The following ZMIZ1 variants were observed in gnomAD, a reference collection of about 807,000 sequenced individuals.
The protein encoded by ZMIZ1 is zinc finger MIZ-type containing 1, also known as zinc finger MIZ domain-containing protein 1.
Under a neutral mutation model 113.9 loss-of-function variants are expected in ZMIZ1, and 17 were observed. The observed-to-expected ratio is 0.15, with a 90% CI of 0.10 to 0.22. The LOEUF (loss-of-function observed/expected upper bound fraction) is 0.22. Ranked by LOEUF, ZMIZ1 falls within the 10% of genes least tolerant of loss-of-function variation. The pLI is 1.00. For missense variants in ZMIZ1, 1,059 were observed against 1,477.8 expected, an observed-to-expected ratio of 0.72 and a Z score of 4.65; for synonymous variants, 607 against 603.1, an observed-to-expected ratio of 1.01 and a Z score of -0.09.
chr10:79,267,440 T>C (rs780318757), intron 7 of ZMIZ1, among the ~76,000 whole-genome samples: 2 of 152,264 alleles, frequency 1.3e-5, no homozygotes, highest in Non-Finnish European at 2.9e-5. Flanking sequence ...TAACAGTTTA[T>C]TCCCATGTAA....
At chr10:79,272,638 GC>G (rs1852018253) in intron 7 of ZMIZ1, among the ~76,000 whole-genome samples, 1 of 152,268 alleles carries the variant, frequency 6.6e-6, no homozygotes, top group African/African-American at 2.4e-5. Flanking sequence ...GTGCTCAGCA[GC>G]CAGTTGTTGA....
chr10:79,296,747 G>A lies in ZMIZ1; in HGVS notation c.1413+94G>A. 7.6e-7 allele frequency: 1 copy of A among 1,308,898 alleles called. No individual in the cohort carries two copies. The highest frequency in any genetic ancestry group is 1.6e-5 in the South Asian group (1 of 62,120). The allele number at this position is 1,308,898 out of a possible 1,614,324, so 81.1% of individuals were successfully genotyped here. ...CCGGGATCACTCTGACCCTGCGTGT[G>A]TTTGCCCCAAGGACAGCGAGGGGTG... On this transcript the variant is annotated intron_variant, in intron 13 of 24. Coordinates refer to ENST00000334512, the MANE Select transcript of ZMIZ1 (RefSeq NM_020338.4). This position sits in a 1 kb window ranked among gnomAD's most constrained non-coding sequence, Gnocchi z 4.1.
intron 3 of ZMIZ1, among the ~76,000 whole-genome samples, chr10:79,150,353 G>A (rs1400521779): frequency 1.3e-5 from 2 of 152,358 alleles, no homozygotes; most frequent in Admixed American, 6.5e-5. Flanking sequence ...ACCTCGGGCC[G>A]CCCTGCCTCT....
At chr10:79,137,931 G>C (rs1845085710) in intron 2 of ZMIZ1, among the ~76,000 whole-genome samples, 1 of 152,134 alleles carries the variant, frequency 6.6e-6, no homozygotes, top group Non-Finnish European at 1.5e-5. Flanking sequence ...ACTCACAGCT[G>C]TGCGGTCCTG....
chr10:79,156,976 C>A (rs992852561), intron 3 of ZMIZ1, among the ~76,000 whole-genome samples: 11 of 149,658 alleles, frequency 7.4e-5, no homozygotes, highest in Admixed American at 6.7e-4. Context: ...ATTATGCAAG[C>A]GAAAAGAAAC....
At chr10:79,088,592 G>A (rs1252344935) in intron 1 of ZMIZ1, among the ~76,000 whole-genome samples, 1 of 152,166 alleles carries the variant, frequency 6.6e-6, no homozygotes, top group Middle Eastern at 3.2e-3. Context: ...AACCTTCCCT[G>A]GGACTCGGCC....
At chr10:79,123,215 A>G (rs892549783) in intron 2 of ZMIZ1, among the ~76,000 whole-genome samples, 1 of 152,172 alleles carries the variant, frequency 6.6e-6, no homozygotes, top group African/African-American at 2.4e-5. Flanking sequence ...AAAGACACTC[A>G]AAACACTCTT....
At chr10:79,177,497 G>A (rs1248534835) in intron 4 of ZMIZ1, among the ~76,000 whole-genome samples, 6 of 152,202 alleles carry the variant, frequency 3.9e-5, no homozygotes, top group Admixed American at 3.9e-4. Context: ...ACCCTGCGAG[G>A]TGAGAAGGGC....
At chr10:79,232,325 G>A (rs1849426870) in intron 7 of ZMIZ1, among the ~76,000 whole-genome samples, 1 of 152,204 alleles carries the variant, frequency 6.6e-6, no homozygotes, top group African/African-American at 2.4e-5. Flanking sequence ...ACTTATGGGA[G>A]GAAGATGGCT....
intron 1 of ZMIZ1, among the ~76,000 whole-genome samples, chr10:79,105,897 T>G (rs1485525317): frequency 6.6e-6 from 1 of 152,224 alleles, no homozygotes; most frequent in Non-Finnish European, 1.5e-5. Context: ...CTGTCCAGGT[T>G]GCCCTTCCCC....
rs542985829 is a variant in ZMIZ1 at position 79,128,439 on chromosome 10, CCT to C, written c.-227+9420_-227+9421del. Among the ~76,000 whole-genome samples, 370 of 152,320 alleles carry C rather than the reference CCT, an allele frequency of 2.4e-3. 2 individuals are homozygous for C. Among genetic ancestry groups the C allele is most frequent in the African/African-American group, 8.6e-3 (359 of 41,566 alleles). ...TGTGTGACCATAGCACATTTCCAAGCCTCTCTTTTCTCATCTCAGAAATGGGC... is the reference window on the plus strand; with the variant it reads ...TGTGTGACCATAGCACATTTCCAAGCCTCTTTTCTCATCTCAGAAATGGGC... On this transcript the variant is annotated intron_variant, in intron 2 of 24. Coordinates refer to ENST00000334512, the MANE Select transcript of ZMIZ1 (RefSeq NM_020338.4).
chr10:79,231,672 G>A (rs954945683), intron 7 of ZMIZ1, among the ~76,000 whole-genome samples: 4 of 152,056 alleles, frequency 2.6e-5, no homozygotes, highest in Admixed American at 1.3e-4. Context: ...TCCGCCTCTC[G>A]TGTTCAAGTA....
At chr10:79,165,948 CTGTGTGTGTGTGTGTGTGTG>C (rs1174980856) in intron 4 of ZMIZ1, among the ~76,000 whole-genome samples, 2 of 59,846 alleles carry the variant, frequency 3.3e-5, no homozygotes, top group Non-Finnish European at 6.4e-5. Context: ...CCCAGCTCAG[CTGTGTGTGTGTGTGTGTGTG>C]TGTGTGTGTG....
At position 79,297,683 on chromosome 10, in the gene ZMIZ1, T is replaced by C. The variant is rs1304333708; in HGVS notation, c.1484T>C (p.Val495Ala). ...TACAGTAACTACAGCCAAGGGAATG[T>C]CAACAGGGTATGTTCCAATTTAATT... The part of the protein sequence containing the change: ...SSYSNYSQGN[V>A]NRPPRPVPVA... Residue 495 changes from valine to alanine, a missense_variant, in exon 14 of 25, where the codon GTC becomes GCC. Physicochemically the swap from Val to Ala is moderately conservative, Grantham distance 64. Transcript: ENST00000334512. 1.9e-6 allele frequency: 3 copies of C among 1,613,820 alleles called. No homozygotes were observed. The highest frequency in any genetic ancestry group is 2.7e-5 in the African/African-American group (2 of 74,930).
At chr10:79,268,397 G>GC (rs1564566720) in intron 7 of ZMIZ1, among the ~76,000 whole-genome samples, 1 of 152,218 alleles carries the variant, frequency 6.6e-6, no homozygotes, top group Admixed American at 6.5e-5. Context: ...CTGGTTTCCT[G>GC]CCCCCAGGAA....
At chr10:79,266,742 G>A (rs534258314) in intron 7 of ZMIZ1, among the ~76,000 whole-genome samples, 3 of 152,338 alleles carry the variant, frequency 2.0e-5, no homozygotes, top group African/African-American at 7.2e-5. Flanking sequence ...ACCCAAGAGA[G>A]CTGGCAGGGA....
At chr10:79,104,218 G>A (rs143561762) in intron 1 of ZMIZ1, among the ~76,000 whole-genome samples, 44 of 152,332 alleles carry the variant, frequency 2.9e-4, no homozygotes, top group African/African-American at 9.6e-4. Flanking sequence ...GTGAAACACA[G>A]CCTTTCGATG....
Position 79,181,642 on chromosome 10 carries a change from C to T in ZMIZ1, c.-50+19509C>T, listed in dbSNP as rs147309125. On this transcript the variant is annotated intron_variant, in intron 4 of 24. Coordinates refer to ENST00000334512, the MANE Select transcript of ZMIZ1 (RefSeq NM_020338.4). ...TGGGCAGTGCTCACCTTGCTGTCCT[C>T]TAGGCCCTGGCTGTCCAGGTCACAC... Among the ~76,000 whole-genome samples the T allele has an allele frequency of 1.1e-4, 17 of 152,356 alleles. 1 individual carries two copies. The East Asian group carries it at 3.3e-3, about 29-fold the overall frequency.
rs571155527 is a variant in ZMIZ1 at position 79,270,206 on chromosome 10, G to C, written c.281-6975G>C. 1.0e-3 allele frequency among the ~76,000 whole-genome samples: 159 copies of C among 152,318 alleles called. 1 individual carries two copies. The highest frequency in any genetic ancestry group is 3.1e-3 in the Admixed American group (48 of 15,308). On this transcript the variant is annotated intron_variant, in intron 7 of 24. Coordinates refer to ENST00000334512, the MANE Select transcript of ZMIZ1 (RefSeq NM_020338.4). ...TCTGGTTTCATTTTTTCCCCCTAAC[G>C]GACAGACAGTATGGGGGCTGCTGGC...
Sources: gnomAD v4.1 joint callset for allele counts (sites outside exome capture counted in the v4.1 genomes callset) on GRCh38, gnomAD v4.1.1 for gene constraint, Gnocchi (gnomAD v3.1) non-coding constraint, MANE v1.5 for transcripts, NCBI Gene and HGNC (gene_info 2026-07-23, HGNC 2026-07-21) for gene names.